Variants in KCNJ6 observed in about 807,000 individuals in gnomAD.
KCNJ6 encodes the protein G protein-activated inward rectifier potassium channel 2.
In KCNJ6, 9 loss-of-function variants were observed where a neutral mutation model predicts 34.2. The ratio of observed to expected loss-of-function variants is 0.26; its 90% CI spans 0.16 to 0.46. The LOEUF (loss-of-function observed/expected upper bound fraction) is 0.46. KCNJ6 is among the 20% of genes least tolerant of loss of function. The probability of loss-of-function intolerance (pLI) is 1.00; values close to 1 mark genes in which losing one functional copy is unlikely to be tolerated. For missense variants in KCNJ6, 236 were observed against 531.3 expected (o/e 0.44, Z 5.46); for synonymous variants, 196 against 207.1 (o/e 0.95, Z 0.46).
At chr21:37,778,696 CGTGTGT>C (rs61218477) in intron 2 of KCNJ6, among the ~76,000 whole-genome samples, 63 of 146,268 alleles carry the variant, frequency 4.3e-4, no homozygotes, top group Non-Finnish European at 5.8e-4. Context: ...GTGCTGTGTG[CGTGTGT>C]GTGTGTGTGT....
At chr21:37,701,395 T>TTG (rs71198889) in intron 3 of KCNJ6, among the ~76,000 whole-genome samples, 55,763 of 151,394 alleles carry the variant, frequency 0.37, 10,435 homozygotes, top group East Asian at 0.42. Context: ...GGTTAACTTT[T>TTG]TGTGTGTGTG....
At position 37,791,142 on chromosome 21, in the gene KCNJ6, A is replaced by G. The variant is rs374459570; in HGVS notation, c.25+49516T>C. Among the ~76,000 whole-genome samples, 10 of 152,376 alleles carry G rather than the reference A, an allele frequency of 6.6e-5. No individual in the cohort carries two copies. The East Asian group carries it at 9.6e-4, about 15-fold the overall frequency. On this transcript the variant is annotated intron_variant, in intron 2 of 3. Coordinates refer to ENST00000609713, the MANE Select transcript of KCNJ6 (RefSeq NM_002240.5). Reference sequence around the variant, plus strand: ...CCAGCCACACCGTGTCTGCTGGACCAGGCATGAGGTCATGGGAGGACCTGC... The same window carrying G: ...CCAGCCACACCGTGTCTGCTGGACCGGGCATGAGGTCATGGGAGGACCTGC...
chr21:37,728,061 A>G (rs1026466655), intron 2 of KCNJ6, among the ~76,000 whole-genome samples: 1 of 152,260 alleles, frequency 6.6e-6, no homozygotes, highest in Non-Finnish European at 1.5e-5. Flanking sequence ...TCGAGTGTCC[A>G]TCAACAGAAA....
At chr21:37,915,852 C>T (rs910882757) in intron 1 of KCNJ6, 32 bp downstream of exon 1, 2 of 152,304 alleles carry the variant, frequency 1.3e-5, no homozygotes, top group Admixed American at 1.3e-4. Context: ...ACGCCAGCTC[C>T]TCGCCTGCGA....
intron 2 of KCNJ6, among the ~76,000 whole-genome samples, chr21:37,757,749 G>A (rs145496566): frequency 9.8e-4 from 150 of 152,356 alleles, no homozygotes; most frequent in Admixed American, 1.8e-3. Context: ...CTCATTTGTT[G>A]CCAAAGCAAT....
chr21:37,646,184 G>T (rs1173128086), intron 3 of KCNJ6, among the ~76,000 whole-genome samples: 1 of 152,062 alleles, frequency 6.6e-6, no homozygotes, highest in African/African-American at 2.4e-5. Context: ...ATTAACTGGG[G>T]TAATGTAACC....
At chr21:37,655,244 AGAGAGAGAGAGAG>A (rs2054457470) in intron 3 of KCNJ6, among the ~76,000 whole-genome samples, 6 of 40,726 alleles carry the variant, frequency 1.5e-4, no homozygotes, top group African/African-American at 9.5e-4. Context: ...AGAGAGAGAG[AGAGAGAGAGAGAG>A]AGAGAGAGAG....
intron 2 of KCNJ6, among the ~76,000 whole-genome samples, chr21:37,762,255 C>G (rs545015881): frequency 3.7e-4 from 56 of 152,310 alleles, no homozygotes; most frequent in Middle Eastern, 6.8e-3. Flanking sequence ...CACTTAGCAT[C>G]CAGCACAGAT....
intron 1 of KCNJ6, among the ~76,000 whole-genome samples, chr21:37,849,779 A>G (rs2055528329): frequency 3.3e-5 from 5 of 152,206 alleles, no homozygotes; most frequent in African/African-American, 1.2e-4. Context: ...CACCTTAGCA[A>G]CTGTACATAC....
chr21:37,615,255 T>C lies in KCNJ6; in HGVS notation c.*9904A>G, dbSNP rs2054262489. ...ACATTCCCAGCATTCTTTTTTTTTT[T>C]TTTTTTTTTTTTTTTGAGACGGAGT... On this transcript the variant is annotated 3_prime_UTR_variant, in exon 4 of 4. Transcript: ENST00000609713. 6.9e-6 allele frequency: 1 copy of C among 145,012 alleles called. No individual in the cohort carries two copies. Among genetic ancestry groups the C allele is most frequent in the South Asian group, 2.3e-4 (1 of 4,382 alleles). The allele number at this position is 145,012 out of a possible 1,614,324, so 9.0% of individuals were successfully genotyped here. A position where few individuals can be genotyped will look rare whatever the true frequency, so the allele number is the denominator to read the frequency against.
intron 1 of KCNJ6, among the ~76,000 whole-genome samples, chr21:37,912,293 G>A (rs2055870589): frequency 6.6e-6 from 1 of 152,156 alleles, no homozygotes; most frequent in Admixed American, 6.5e-5. Flanking sequence ...GTGACACTTT[G>A]TTAATCAATT....
chr21:37,833,865 C>T (rs1171150436), intron 2 of KCNJ6, among the ~76,000 whole-genome samples: 1 of 152,156 alleles, frequency 6.6e-6, no homozygotes, highest in African/African-American at 2.4e-5. Context: ...ATGGAAAACC[C>T]TAAACTCAAT....
intron 1 of KCNJ6, among the ~76,000 whole-genome samples, chr21:37,898,089 G>C (rs1359575341): frequency 6.6e-6 from 1 of 152,210 alleles, no homozygotes; most frequent in African/African-American, 2.4e-5. Flanking sequence ...GAGGCTCGAT[G>C]AAGTATCCGT....
intron 2 of KCNJ6, among the ~76,000 whole-genome samples, chr21:37,789,115 A>C (rs898785463): frequency 6.6e-6 from 1 of 152,202 alleles, no homozygotes; most frequent in Non-Finnish European, 1.5e-5. Flanking sequence ...AGTTGGTCAA[A>C]AAATTCTTCT....
chr21:37,784,675 C>T (rs2055184839), intron 2 of KCNJ6, among the ~76,000 whole-genome samples: 1 of 152,008 alleles, frequency 6.6e-6, no homozygotes, highest in East Asian at 1.9e-4. Context: ...CTCTTACCAC[C>T]CCTCTGCTTG....
At chr21:37,725,678 A>C (rs1178190058) in intron 2 of KCNJ6, among the ~76,000 whole-genome samples, 3 of 152,248 alleles carry the variant, frequency 2.0e-5, no homozygotes, top group Admixed American at 2.0e-4. Flanking sequence ...TAAGGAATTA[A>C]CATAACAAAT....
intron 3 of KCNJ6, among the ~76,000 whole-genome samples, chr21:37,698,276 C>A (rs1328659263): frequency 2.0e-5 from 3 of 152,206 alleles, no homozygotes; most frequent in Non-Finnish European, 4.4e-5. Flanking sequence ...TGGACTGTGG[C>A]CACTTCTGCC....
chr21:37,633,567 A>C (rs1321480052), intron 3 of KCNJ6, among the ~76,000 whole-genome samples: 1 of 152,200 alleles, frequency 6.6e-6, no homozygotes, highest in Non-Finnish European at 1.5e-5. Flanking sequence ...TAGAAAATCC[A>C]CAAGAGTAGT....
intron 2 of KCNJ6, among the ~76,000 whole-genome samples, chr21:37,748,531 T>C (rs561918996): frequency 1.4e-4 from 22 of 151,758 alleles, no homozygotes; most frequent in African/African-American, 4.8e-4. Flanking sequence ...CTTGGTTTTG[T>C]GGTAGTGGGA....
Sources: allele counts gnomAD v4.1 joint callset (sites outside exome capture counted in the v4.1 genomes callset), GRCh38; gene constraint gnomAD v4.1.1; transcripts MANE v1.5; gene names NCBI Gene and HGNC (gene_info 2026-07-23, HGNC 2026-07-21).